FAM124A: variants seen among roughly 807,000 people sequenced by gnomAD.
FAM124A encodes family with sequence similarity 124 member A, also known as protein FAM124A.
Under a neutral mutation model 24.5 loss-of-function variants are expected in FAM124A, and 23 were observed. The observed-to-expected ratio is 0.94, with a 90% CI of 0.68 to 1.33. The LOEUF (loss-of-function observed/expected upper bound fraction) is 1.33, where lower values mean the gene tolerates loss of function less well. FAM124A is among the 40% of genes most tolerant of loss of function. The probability of loss-of-function intolerance (pLI) is 0.00; values close to 1 mark genes in which losing one functional copy is unlikely to be tolerated. For missense variants in FAM124A, 623 were observed against 722.8 expected, an observed-to-expected ratio of 0.86 and a Z score of 1.58; for synonymous variants, 287 against 314.7, an observed-to-expected ratio of 0.91 and a Z score of 0.93.
Position 51,251,574 on chromosome 13 carries a change from G to T in FAM124A, c.207G>T (p.Leu69=). ...TGCAGGAGGCCATCGACAACGTCCT[G>T]GCGTGGATCCACCCCGACCTCCCGC... ...QPLQEAIDNV[L]AWIHPDLPLF... is the part of the protein sequence containing the mutation. Residue 69 remains leucine, a synonymous_variant, in exon 3 of 4, where the codon CTG becomes CTT. Coordinates refer to ENST00000322475, the MANE Select transcript of FAM124A (RefSeq NM_001242312.2). This position sits in a 1 kb window ranked among gnomAD's most constrained non-coding sequence, Gnocchi z 5.3. 1 of 1,553,956 alleles carries T rather than the reference G, an allele frequency of 6.4e-7. No individual in the cohort carries two copies. Among genetic ancestry groups the T allele is most frequent in the Non-Finnish European group, 8.7e-7 (1 of 1,148,040 alleles).
intron 3 of FAM124A, among the ~76,000 whole-genome samples, chr13:51,265,595 AT>A (rs566778326): frequency 5.3e-5 from 8 of 152,210 alleles, no homozygotes; most frequent in Non-Finnish European, 1.0e-4. Context: ...AATGAACAAA[AT>A]ATAGGGAAAG....
chr13:51,244,034 C>CA (rs1317204582), intron 2 of FAM124A, among the ~76,000 whole-genome samples: 1 of 152,210 alleles, frequency 6.6e-6, no homozygotes, highest in Non-Finnish European at 1.5e-5. Context: ...CAACCTTATG[C>CA]AGCTCTCAAG....
chr13:51,246,269 C>A (rs1405242102), intron 2 of FAM124A, among the ~76,000 whole-genome samples: 1 of 152,052 alleles, frequency 6.6e-6, no homozygotes, highest in Non-Finnish European at 1.5e-5. Context: ...AGAGCACATC[C>A]CACAGTCATG....
At chr13:51,256,250 G>C (rs1376774139) in intron 3 of FAM124A, among the ~76,000 whole-genome samples, 1 of 152,226 alleles carries the variant, frequency 6.6e-6, no homozygotes, top group Non-Finnish European at 1.5e-5. Flanking sequence ...CTGGAAAATT[G>C]TGAGAGCAGG....
At chr13:51,271,188 C>T (rs9535631) in intron 3 of FAM124A, among the ~76,000 whole-genome samples, 10,678 of 152,184 alleles carry the variant, frequency 0.07, 471 homozygotes, top group South Asian at 0.14. Flanking sequence ...AGGGATAAGA[C>T]AAAAGGGACA....
At chr13:51,232,795 A>G (rs190126364) in intron 2 of FAM124A, among the ~76,000 whole-genome samples, 112 of 152,240 alleles carry the variant, frequency 7.4e-4, no homozygotes, top group South Asian at 1.5e-3. Flanking sequence ...TTTCAGAATG[A>G]TTTTTCTAAA....
intron 2 of FAM124A, among the ~76,000 whole-genome samples, chr13:51,232,546 A>T (rs1954389071): frequency 6.6e-6 from 1 of 152,240 alleles, no homozygotes; most frequent in African/African-American, 2.4e-5. Flanking sequence ...GTGTCAAATT[A>T]TATTTCATTA....
At chr13:51,236,987 C>T (rs965751839) in intron 2 of FAM124A, among the ~76,000 whole-genome samples, 5 of 152,140 alleles carry the variant, frequency 3.3e-5, no homozygotes, top group African/African-American at 1.2e-4. Flanking sequence ...ATTGAACTTG[C>T]TTAATTTTGT....
rs945496383 is a variant in FAM124A, at chr13:51,281,645, G to A, written c.*389G>A. The A allele has an allele frequency of 6.6e-5, 11 of 166,716 alleles. No individual in the cohort carries two copies. Among genetic ancestry groups the A allele is most frequent in the African/African-American group, 9.6e-5 (4 of 41,708 alleles). The allele number at this position is 166,716 out of a possible 1,614,324, so 10.3% of individuals were successfully genotyped here. A position where few individuals can be genotyped will look rare whatever the true frequency, so the allele number is the denominator to read the frequency against. On this transcript the variant is annotated 3_prime_UTR_variant, in exon 4 of 4. Coordinates refer to ENST00000322475, the MANE Select transcript of FAM124A (RefSeq NM_001242312.2). ...AAGGCAAATCAATTAAGGCCAAAAC[G>A]TTGAATGTGGGAGAGATAGTAAGTG... is the stretch of plus-strand genomic sequence containing the variant.
At chr13:51,223,782 C>A (rs982131576) in intron 1 of FAM124A, among the ~76,000 whole-genome samples, 4 of 152,140 alleles carry the variant, frequency 2.6e-5, no homozygotes, top group African/African-American at 9.7e-5. Context: ...TGCCAAACTT[C>A]CTTTCTTCTT....
intron 3 of FAM124A, among the ~76,000 whole-genome samples, chr13:51,268,736 C>T (rs1411244407): frequency 2.0e-5 from 3 of 151,902 alleles, no homozygotes; most frequent in Non-Finnish European, 4.4e-5. Context: ...GTTATGAGCA[C>T]CTTTAGTGGC....
In FAM124A at chr13:51,251,621, G is replaced by T. The variant is rs1030131855; in HGVS notation, c.254G>T (p.Arg85Leu). ...CCGCTGTTCCGGGTGTCCGAGAGGC[G>T]GGCGTCCCGGCGGCGGCGGAAGCCC... is the stretch of plus-strand genomic sequence containing the variant. ...DLPLFRVSER[R>L]ASRRRRKPPK... Residue 85 changes from arginine to leucine, a missense_variant, in exon 3 of 4, where the codon CGG (arginine) becomes CTG (leucine). Arg to Leu is a moderately radical substitution (Grantham distance 102). Transcript: ENST00000322475. The surrounding 1 kb of genome is among the most constrained non-coding windows in gnomAD (Gnocchi z 5.3). The T allele has an allele frequency of 1.3e-6, 2 of 1,563,752 alleles. No individual in the cohort carries two copies. The highest frequency in any genetic ancestry group is 1.7e-6 in the Non-Finnish European group (2 of 1,152,510).
At chr13:51,254,313 C>T (rs536671146) in intron 3 of FAM124A, among the ~76,000 whole-genome samples, 9 of 152,308 alleles carry the variant, frequency 5.9e-5, no homozygotes, top group African/African-American at 1.9e-4. Context: ...TTTATTTCCT[C>T]ATCTTACACC....
intron 3 of FAM124A, among the ~76,000 whole-genome samples, chr13:51,274,592 C>CT (rs1566175319): frequency 6.6e-6 from 1 of 152,004 alleles, no homozygotes; most frequent in Non-Finnish European, 1.5e-5. Context: ...GTCCTCATAA[C>CT]TTTTTTCTGT....
chr13:51,233,106 A>G (rs1009638753), intron 2 of FAM124A, among the ~76,000 whole-genome samples: 2 of 152,160 alleles, frequency 1.3e-5, no homozygotes, highest in African/African-American at 2.4e-5. Context: ...ACTACAAATA[A>G]TGGTGGAAAA....
intron 3 of FAM124A, among the ~76,000 whole-genome samples, chr13:51,276,890 A>G (rs1954890278): frequency 1.3e-5 from 2 of 152,206 alleles, no homozygotes. Context: ...ACTGGGAAAG[A>G]GGAGGTGTGA....
intron 2 of FAM124A, among the ~76,000 whole-genome samples, chr13:51,247,665 AC>A (rs1954577463): frequency 6.6e-6 from 1 of 151,828 alleles, no homozygotes; most frequent in Admixed American, 6.6e-5. Flanking sequence ...AAAATTCTTG[AC>A]CCCTCGTTCA....
chr13:51,244,601 C>T (rs1954535678), intron 2 of FAM124A, among the ~76,000 whole-genome samples: 1 of 152,182 alleles, frequency 6.6e-6, no homozygotes, highest in Non-Finnish European at 1.5e-5. Context: ...ATGCCCACTG[C>T]TGGGGAGGGG....
intron 3 of FAM124A, among the ~76,000 whole-genome samples, chr13:51,273,073 A>G (rs1954853707): frequency 6.6e-6 from 1 of 152,214 alleles, no homozygotes; most frequent in African/African-American, 2.4e-5. Flanking sequence ...TAAAAATTTA[A>G]TTCAAAAAAT....
Sources: gnomAD v4.1 joint callset for allele counts (sites outside exome capture counted in the v4.1 genomes callset) on GRCh38, gnomAD v4.1.1 for gene constraint, Gnocchi (gnomAD v3.1) non-coding constraint, MANE v1.5 for transcripts, NCBI Gene and HGNC (gene_info 2026-07-23, HGNC 2026-07-21) for gene names.